NAPRT: variants seen among roughly 807,000 people sequenced by gnomAD.
NAPRT encodes the protein nicotinate phosphoribosyltransferase.
In NAPRT, 66 loss-of-function variants were observed where a neutral mutation model predicts 60.7. The observed-to-expected ratio is 1.09, with a 90% CI of 0.89 to 1.33. The LOEUF is 1.33. Ranked by LOEUF, NAPRT falls within the 40% of genes most tolerant of loss-of-function variation. The probability of loss-of-function intolerance (pLI) is 0.00; values close to 1 mark genes in which losing one functional copy is unlikely to be tolerated. For synonymous variants in NAPRT, 405 were observed against 335.7 expected (o/e 1.21, Z -2.26); for missense variants, 818 against 731.5 (o/e 1.12, Z -1.36).
rs1824564194 is a variant in NAPRT, at chr8:143,577,548, A to G, written c.437+109T>C. On this transcript the variant is annotated intron_variant, in intron 3 of 12. Coordinates refer to ENST00000449291, the MANE Select transcript of NAPRT (RefSeq NM_145201.6). ...CCCTGAAGAGTGGGGGCGGGAGGCC[A>G]GTCCTGGGACCCCTGGGCAGCCAGC... 6.8e-6 allele frequency: 10 copies of G among 1,461,562 alleles called. No homozygotes were observed. In the South Asian group the frequency reaches 1.0e-4, roughly 15 times the overall value. 90.5% of individuals were successfully genotyped at this position (1,461,562 alleles called of 1,614,324 possible). A position where few individuals can be genotyped will look rare whatever the true frequency, so the allele number is the denominator to read the frequency against.
Position 143,576,974 on chromosome 8 carries a change from C to A in NAPRT, c.684+88G>T, listed in dbSNP as rs917662395. 7.9e-6 allele frequency: 12 copies of A among 1,523,154 alleles called. No homozygotes were observed. In the African/African-American group the frequency reaches 1.1e-4, roughly 14 times the overall value. The allele number at this position is 1,523,154 out of a possible 1,614,324, so 94.4% of individuals were successfully genotyped here. On this transcript the variant is annotated intron_variant, in intron 5 of 12. Coordinates refer to ENST00000449291, the MANE Select transcript of NAPRT (RefSeq NM_145201.6). ...GCTTCCTGGGACAGCACTGGGGTGA[C>A]CTGCCTGGGTGGCACACCTCTCGCC...
chr8:143,577,497 C>G (rs1398253616), intron 3 of NAPRT, 98 bp from the exon 4 acceptor site: 17 of 1,465,968 alleles, frequency 1.2e-5, no homozygotes, highest in Middle Eastern at 2.4e-4. Context: ...CCTGGGAGCT[C>G]CACCCTCACC....
At position 143,575,100 on chromosome 8, in the gene NAPRT, G is replaced by C. The variant is rs151207487; in HGVS notation, c.1447-7C>G. 3.2e-3 allele frequency: 4,900 copies of C among 1,530,952 alleles called. 108 individuals are homozygous for C. The African/African-American group carries it at 0.046, about 14-fold the overall frequency. The allele number at this position is 1,530,952 out of a possible 1,614,324, so 94.8% of individuals were successfully genotyped here. On this transcript the variant is annotated splice_polypyrimidine_tract_variant and splice_region_variant and intron_variant, in intron 11 of 12. Coordinates refer to ENST00000449291, the MANE Select transcript of NAPRT (RefSeq NM_145201.6). ...ATGGGAGCGGCTCACACAGCTGCAG[G>C]GAGGAGGTAAGGAAAGAGAAGCTTG...
At chr8:143,573,509 C>G (rs966308368), downstream of NAPRT, 1 of 152,080 alleles carries the variant, frequency 6.6e-6, no homozygotes, top group East Asian at 1.9e-4. Flanking sequence ...TGCGTGGCAC[C>G]GCCCCACCCC....
In NAPRT at chr8:143,576,499, G is replaced by A; in HGVS notation, c.955C>T (p.Leu319=). The A allele has an allele frequency of 6.2e-7, 1 of 1,612,608 alleles. No homozygotes were observed. Among genetic ancestry groups the A allele is most frequent in the Non-Finnish European group, 8.5e-7 (1 of 1,179,810 alleles). The change falls in exon 7 of 13, where the codon CTG becomes TTG. Residue 319 remains leucine (L), a synonymous_variant. Coordinates refer to ENST00000449291, the MANE Select transcript of NAPRT (RefSeq NM_145201.6). ...TGCTGTAGCAGGTCACCACTGTCCA[G>A]CCTCACGCCCACTGCCCGGTAGCCC... ...ELGYRAVGVR[L]DSGDLLQQAQ...
intron 9 of NAPRT, 41 bp from the exon 10 acceptor site, chr8:143,575,566 C>T (rs763144993): frequency 4.4e-6 from 7 of 1,588,468 alleles, no homozygotes; most frequent in South Asian, 3.3e-5. Context: ...CCTTATCCCC[C>T]ACCCAGCACC....
intron 2 of NAPRT, 23 bp from the exon 3 acceptor site, chr8:143,577,762 C>T (rs974810638): frequency 4.5e-6 from 7 of 1,561,144 alleles, no homozygotes; most frequent in African/African-American, 1.4e-5. Flanking sequence ...AAGTCAGCTC[C>T]GCGCTCGGCC....
chr8:143,574,786 G>A lies in NAPRT; in HGVS notation c.*52C>T, dbSNP rs564955660. ...CGACACAAACAACACAGGACAAGCT[G>A]TGGGGAAAAGTGAGTGATTCGTGTT... On this transcript the variant is annotated 3_prime_UTR_variant, in exon 13 of 13. Transcript: ENST00000449291. 5.5e-4 allele frequency: 854 copies of A among 1,545,516 alleles called. 2 individuals carry two copies. The highest frequency in any genetic ancestry group is 7.1e-4 in the Non-Finnish European group (811 of 1,142,252).
rs1294002322 is a variant in NAPRT at position 143,575,333 on chromosome 8, A to G, written c.1304T>C (p.Met435Thr). ...RLLGSDGSPL[M>T]DMLQLAEEPV... The stretch of plus-strand genomic sequence containing the variant: ...CTCTTCTGCTAACTGCAGCATGTCC[A>G]TGAGTGGAGACCCTGTGTGGACGGG... Residue 435 changes from methionine (M) to threonine (T), a missense_variant, in exon 11 of 13, where the codon ATG (methionine) becomes ACG (threonine). By Grantham distance (81) the Met-to-Thr change is moderately conservative. Coordinates refer to ENST00000449291, the MANE Select transcript of NAPRT (RefSeq NM_145201.6). 9.9e-6 allele frequency: 16 copies of G among 1,612,532 alleles called. No individual in the cohort carries two copies. Among genetic ancestry groups the G allele is most frequent in the African/African-American group, 1.3e-5 (1 of 74,960 alleles).
At chr8:143,576,980 T>C in intron 5 of NAPRT, 82 bp downstream of exon 5, 1 of 1,529,340 alleles carries the variant, frequency 6.5e-7, no homozygotes, top group Non-Finnish European at 9.0e-7. Context: ...GTGACCTGCC[T>C]GGGTGGCACA....
intron 3 of NAPRT, 127 bp downstream of exon 3, chr8:143,577,530 G>GCC: frequency 6.9e-7 from 1 of 1,448,186 alleles, no homozygotes. Context: ...ACACCCTGAA[G>GCC]AGTGGGGGCG....
intron 12 of NAPRT, 40 bp downstream of exon 12, chr8:143,574,946 G>A: frequency 1.3e-6 from 2 of 1,549,620 alleles, no homozygotes; most frequent in Non-Finnish European, 1.7e-6. Context: ...TGAGGGCGGG[G>A]GCGCACAGGG....
intron 2 of NAPRT, 30 bp from the exon 3 acceptor site, chr8:143,577,769 G>C (rs760586291): frequency 5.7e-6 from 9 of 1,567,982 alleles, no homozygotes; most frequent in African/African-American, 1.4e-5. Flanking sequence ...CTCCGCGCTC[G>C]GCCCAGCACC....
In NAPRT at chr8:143,576,122, T is replaced by C. The variant is rs747280993; in HGVS notation, c.1063A>G (p.Ser355Gly). The change falls in exon 8 of 13, where the codon AGC becomes GGC. Residue 355 changes from serine (S) to glycine (G), a missense_variant. Coordinates refer to ENST00000449291, the MANE Select transcript of NAPRT (RefSeq NM_145201.6). ...PWLESVLIVV[S>G]NNIDEEALAR... The stretch of plus-strand genomic sequence containing the variant: ...AGCGCCTCCTCGTCAATGTTGTTGC[T>C]GACTACGATGAGGACTGACTCCAGC... The C allele has an allele frequency of 1.3e-5, 21 of 1,606,490 alleles. No individual in the cohort carries two copies. In the East Asian group the frequency reaches 4.7e-4, roughly 36 times the overall value.
At position 143,577,819 on chromosome 8, in the gene NAPRT, G is replaced by A. The variant is rs200810930; in HGVS notation, c.351C>T (p.Pro117=). ...RALPEGSLAF[P]GVPLLQVSGP... The stretch of plus-strand genomic sequence containing the variant: ...CCGCCCGCTTACCCCTACTCACTCC[G>A]GGGAAGGCGAGGGAGCCCTCGGGCA... Residue 117 remains proline (P), a synonymous_variant, in exon 2 of 13, where the codon CCC becomes CCT. Transcript: ENST00000449291. 661 of 1,606,964 alleles carry A rather than the reference G, an allele frequency of 4.1e-4. 2 individuals are homozygous for A. In the African/African-American group the frequency reaches 7.5e-3, roughly 18 times the overall value.
At chr8:143,576,370 C>T in intron 7 of NAPRT, 62 bp downstream of exon 7, 9 of 1,556,582 alleles carry the variant, frequency 5.8e-6, no homozygotes, top group East Asian at 2.3e-5. Flanking sequence ...ACTGTCCTTC[C>T]CTGCCCATTC....
rs764371052 is a variant in NAPRT, at chr8:143,575,569, C to A, written c.1189-44G>T. 46 of 1,592,530 alleles carry A rather than the reference C, an allele frequency of 2.9e-5. No homozygotes were observed. The Middle Eastern group carries it at 5.5e-4, about 19-fold the overall frequency. Reference sequence around the variant, plus strand: ...GAGCTGGCTGGTCCTTATCCCCCACCCAGCACCATCCCTCAGACCTGCCCC... The same window carrying A: ...GAGCTGGCTGGTCCTTATCCCCCACACAGCACCATCCCTCAGACCTGCCCC... On this transcript the variant is annotated intron_variant, in intron 9 of 12. Coordinates refer to ENST00000449291, the MANE Select transcript of NAPRT (RefSeq NM_145201.6).
In NAPRT at chr8:143,575,528, G is replaced by A; in HGVS notation, c.1189-3C>T. The A allele has an allele frequency of 6.3e-7, 1 of 1,598,934 alleles. No homozygotes were observed. The highest frequency in any genetic ancestry group is 8.6e-7 in the Non-Finnish European group (1 of 1,168,582). On this transcript the variant is annotated splice_polypyrimidine_tract_variant and splice_region_variant and intron_variant, in intron 9 of 12. Transcript: ENST00000449291. Reference sequence around the variant, plus strand: ...GGCTGGCCCCCCACGGCCACCAGCTGCAGGAAGAGGGCGTTGAGCTGGCTG... The same window carrying A: ...GGCTGGCCCCCCACGGCCACCAGCTACAGGAAGAGGGCGTTGAGCTGGCTG...
chr8:143,575,735 C>G (rs762769629), intron 8 of NAPRT, 33 bp from the exon 9 acceptor site: 2 of 1,408,848 alleles, frequency 1.4e-6, no homozygotes, highest in Non-Finnish European at 1.9e-6. Context: ...GTGAGCCCAG[C>G]TGCCCTGGGT....
Sources: allele counts gnomAD v4.1 joint callset, GRCh38; gene constraint gnomAD v4.1.1; transcripts MANE v1.5; gene names NCBI Gene and HGNC (gene_info 2026-07-23, HGNC 2026-07-21).